KCNK10: variants seen among roughly 807,000 people sequenced by gnomAD.
KCNK10 encodes potassium two pore domain channel subfamily K member 10, also known as potassium channel subfamily K member 10.
Under a neutral mutation model 47.7 loss-of-function variants are expected in KCNK10, and 25 were observed. That is an observed-to-expected ratio of 0.52 (90% CI 0.38 to 0.73). The LOEUF (loss-of-function observed/expected upper bound fraction) is 0.73, where lower values mean the gene tolerates loss of function less well. Ranked by LOEUF, KCNK10 falls within the 30% of genes least tolerant of loss-of-function variation. The pLI is 0.00. For synonymous variants in KCNK10, 303 were observed against 285.6 expected, an observed-to-expected ratio of 1.06 and a Z score of -0.61; for missense variants, 563 against 714.5, an observed-to-expected ratio of 0.79 and a Z score of 2.42.
chr14:88,230,953 G>A (rs1421043044), intron 3 of KCNK10, among the ~76,000 whole-genome samples: 1 of 152,130 alleles, frequency 6.6e-6, no homozygotes, highest in African/African-American at 2.4e-5. Flanking sequence ...TGTTAGCCAT[G>A]GTGATTGCTC....
chr14:88,293,917 G>A (rs1468076630), intron 1 of KCNK10, among the ~76,000 whole-genome samples: 33 of 152,030 alleles, frequency 2.2e-4, no homozygotes, highest in Admixed American at 2.0e-3. Context: ...GGCCACAAGC[G>A]ATCCTCCTGC....
chr14:88,311,295 C>A (rs987358124), intron 1 of KCNK10, among the ~76,000 whole-genome samples: 1 of 151,906 alleles, frequency 6.6e-6, no homozygotes, highest in African/African-American at 2.4e-5. Context: ...ATTGTGTCAT[C>A]CTCCCACTTC....
At chr14:88,251,905 AATCTTT>A (rs1886809849) in intron 2 of KCNK10, among the ~76,000 whole-genome samples, 1 of 152,116 alleles carries the variant, frequency 6.6e-6, no homozygotes, top group African/African-American at 2.4e-5. Flanking sequence ...CTCTGCCTGG[AATCTTT>A]GTCCTACTAA....
chr14:88,248,981 T>C lies in KCNK10; in HGVS notation c.403-8161A>G, dbSNP rs1267297165. 3.9e-5 allele frequency among the ~76,000 whole-genome samples: 6 copies of C among 152,304 alleles called. No homozygotes were observed. In the South Asian group the frequency reaches 8.3e-4, roughly 21 times the overall value. On this transcript the variant is annotated intron_variant, in intron 2 of 6. Transcript: ENST00000319231. ...CTGTGAGGTTATAGTAGTTAGGAAG[T>C]GTCAGAGCTGAGACTGGTTAAAAGT...
Position 88,186,213 on chromosome 14 carries a change from C to G in KCNK10, c.1012-58G>C. ...GACAAATGCCTCCCTGCCTTGGCCTCCCAGCACCCACAGCCCTCGGGTGTC... is the reference window on the plus strand; with the variant it reads ...GACAAATGCCTCCCTGCCTTGGCCTGCCAGCACCCACAGCCCTCGGGTGTC... On this transcript the variant is annotated intron_variant, in intron 6 of 6. Coordinates refer to ENST00000319231, the MANE Select transcript of KCNK10 (RefSeq NM_138317.3). This position sits in a 1 kb window ranked among gnomAD's most constrained non-coding sequence, Gnocchi z 5.5. The G allele has an allele frequency of 6.6e-7, 1 of 1,511,980 alleles. No individual in the cohort carries two copies. The highest frequency in any genetic ancestry group is 8.9e-7 in the Non-Finnish European group (1 of 1,129,402). 93.7% of individuals were successfully genotyped at this position (1,511,980 alleles called of 1,614,324 possible). A position where few individuals can be genotyped will look rare whatever the true frequency, so the allele number is the denominator to read the frequency against.
intron 4 of KCNK10, among the ~76,000 whole-genome samples, chr14:88,204,817 C>T (rs1885213889): frequency 6.6e-6 from 1 of 152,170 alleles, no homozygotes; most frequent in Admixed American, 6.5e-5. Flanking sequence ...CCCAAACATG[C>T]ACAGCCTTCC....
At chr14:88,323,655 C>G (rs575951306), upstream of KCNK10, 1 of 150,888 alleles carries the variant, frequency 6.6e-6, no homozygotes, top group Non-Finnish European at 1.5e-5. Flanking sequence ...ACTGGCTCGG[C>G]CGGCCGGCGG....
chr14:88,192,210 C>G lies in KCNK10; in HGVS notation c.868+14G>C. 6.2e-7 allele frequency: 1 copy of G among 1,606,120 alleles called. No individual in the cohort carries two copies. The highest frequency in any genetic ancestry group is 8.5e-7 in the Non-Finnish European group (1 of 1,175,248). On this transcript the variant is annotated intron_variant, in intron 5 of 6. Coordinates refer to ENST00000319231, the MANE Select transcript of KCNK10 (RefSeq NM_138317.3). ...CGCCAGAGCCCCAGTGCCTGGCCTG[C>G]CCAGGGTGCTTACCTGCCACAAAAT... is the stretch of plus-strand genomic sequence containing the variant.
chr14:88,211,623 C>T (rs1393129262), intron 4 of KCNK10, among the ~76,000 whole-genome samples: 3 of 152,142 alleles, frequency 2.0e-5, no homozygotes, highest in East Asian at 1.9e-4. Flanking sequence ...TCTGGCCAGG[C>T]GCGGTGGCTC....
chr14:88,252,326 C>A (rs1886824487), intron 2 of KCNK10, among the ~76,000 whole-genome samples: 1 of 152,172 alleles, frequency 6.6e-6, no homozygotes, highest in South Asian at 2.1e-4. Flanking sequence ...GGGACCATGT[C>A]TGTCTTTTAT....
intron 2 of KCNK10, among the ~76,000 whole-genome samples, chr14:88,247,778 T>C (rs907316121): frequency 7.2e-5 from 11 of 152,278 alleles, no homozygotes; most frequent in Admixed American, 5.2e-4. Context: ...CATTAGCCCC[T>C]TGGGTATTCA....
chr14:88,254,331 A>G (rs1886886064), intron 2 of KCNK10, among the ~76,000 whole-genome samples: 2 of 152,128 alleles, frequency 1.3e-5, no homozygotes, highest in African/African-American at 4.8e-5. Flanking sequence ...GGCACTTAGA[A>G]TGAAAAATCC....
chr14:88,185,335 T>A lies in KCNK10; in HGVS notation c.*200A>T. On this transcript the variant is annotated 3_prime_UTR_variant, in exon 7 of 7. Transcript: ENST00000319231. The surrounding 1 kb of genome is among the most constrained non-coding windows in gnomAD (Gnocchi z 4.3). ...CACTCTTGGTGTGTCCTGCGTTTGC[T>A]ATCTGAAATGAAGTTCTTGTTCTCT... 1.4e-6 allele frequency: 1 copy of A among 740,726 alleles called. No homozygotes were observed. The highest frequency in any genetic ancestry group is 2.0e-5 in the South Asian group (1 of 51,266). 45.9% of individuals were successfully genotyped at this position (740,726 alleles called of 1,614,324 possible).
At chr14:88,236,103 G>T (rs1886293474) in intron 3 of KCNK10, among the ~76,000 whole-genome samples, 2 of 152,236 alleles carry the variant, frequency 1.3e-5, no homozygotes, top group African/African-American at 4.8e-5. Context: ...ATCCTTTGAG[G>T]CCAGGAGTCT....
intron 4 of KCNK10, among the ~76,000 whole-genome samples, chr14:88,220,679 C>T (rs965445187): frequency 6.7e-6 from 1 of 149,730 alleles, no homozygotes; most frequent in Non-Finnish European, 1.5e-5. Flanking sequence ...TGGCTGCAGA[C>T]ACAAAGCTCA....
chr14:88,186,020 G>A lies in KCNK10; in HGVS notation c.1147C>T (p.Arg383Trp), dbSNP rs759951588. 78 of 1,613,536 alleles carry A rather than the reference G, an allele frequency of 4.8e-5. No homozygotes were observed. Among genetic ancestry groups the A allele is most frequent in the South Asian group, 1.3e-4 (12 of 91,046 alleles). Residue 383 changes from arginine (R) to tryptophan (W), a missense_variant, in exon 7 of 7, where the codon CGG becomes TGG. Arg to Trp is a moderately radical substitution (Grantham distance 101, BLOSUM62 -3). Coordinates refer to ENST00000319231, the MANE Select transcript of KCNK10 (RefSeq NM_138317.3). The surrounding 1 kb of genome is among the most constrained non-coding windows in gnomAD (Gnocchi z 5.5). The stretch of plus-strand genomic sequence containing the variant: ...GCCCGCTGGTCCAGGCCCAGCCGCC[G>A]GCGCTCCATGCTGCGGATGGTGGCC... ...RAATIRSMERRRLGLDQRAHS... is the reference protein window; with the variant it reads ...RAATIRSMERWRLGLDQRAHS...
intron 1 of KCNK10, among the ~76,000 whole-genome samples, chr14:88,314,256 C>A (rs952602593): frequency 6.6e-6 from 1 of 151,994 alleles, no homozygotes; most frequent in Non-Finnish European, 1.5e-5. Flanking sequence ...AGGATTAGTG[C>A]ACTTATCAAA....
At chr14:88,266,206 T>TG (rs1343478682) in intron 1 of KCNK10, among the ~76,000 whole-genome samples, 2 of 152,224 alleles carry the variant, frequency 1.3e-5, no homozygotes, top group Admixed American at 6.5e-5. Flanking sequence ...GAAGGAATGC[T>TG]GGCACATCCA....
chr14:88,311,377 A>G (rs914944294), intron 1 of KCNK10, among the ~76,000 whole-genome samples: 9 of 152,198 alleles, frequency 5.9e-5, no homozygotes, highest in Admixed American at 1.3e-4. Context: ...ACTATGCCCT[A>G]CATGACCTGA....
Sources: allele counts gnomAD v4.1 joint callset (sites outside exome capture counted in the v4.1 genomes callset), GRCh38; gene constraint gnomAD v4.1.1; non-coding constraint Gnocchi (gnomAD v3.1); transcripts MANE v1.5; gene names NCBI Gene and HGNC (gene_info 2026-07-23, HGNC 2026-07-21).